The following AREG variants were observed in gnomAD, a reference collection of about 807,000 sequenced individuals.
AREG encodes the protein amphiregulin B.
A neutral mutation model predicts 28.0 loss-of-function variants in AREG; 16 were observed. That is an observed-to-expected ratio of 0.57 (90% confidence interval 0.39 to 0.87). The LOEUF (loss-of-function observed/expected upper bound fraction) is 0.87, where lower values mean the gene tolerates loss of function less well. AREG is among the 40% of genes least tolerant of loss of function. AREG has a pLI of 0.00. For synonymous variants in AREG, 113 were observed against 113.5 expected (o/e 1.00, Z 0.02); for missense variants, 287 against 309.1 (o/e 0.93, Z 0.53).
At position 74,452,577 on chromosome 4, in the gene AREG, A is replaced by G. The variant is rs1315756887; in HGVS notation, c.699A>G (p.Gly233=). 1 of 1,613,600 alleles carries G rather than the reference A, an allele frequency of 6.2e-7. No homozygotes were observed. Among genetic ancestry groups the G allele is most frequent in the Non-Finnish European group, 8.5e-7 (1 of 1,179,678 alleles). ...LRRQYVRKYE[G]EAEERKKLRQ... The stretch of plus-strand genomic sequence containing the variant: ...GACAATACGTCAGGAAATATGAAGG[A>G]GAAGCTGAGGAACGAAAGAAACTTC... The change falls in exon 5 of 6, where the codon GGA becomes GGG. Residue 233 remains glycine (G), a synonymous_variant. Transcript: ENST00000395748.
chr4:74,454,965 A>C lies in AREG; in HGVS notation c.*225A>C. The C allele has an allele frequency of 1.6e-6, 1 of 622,544 alleles. No homozygotes were observed. The highest frequency in any genetic ancestry group is 2.7e-5 in the Admixed American group (1 of 37,366). The allele number at this position is 622,544 out of a possible 1,614,324, so 38.6% of individuals were successfully genotyped here. On this transcript the variant is annotated 3_prime_UTR_variant, in exon 6 of 6. Transcript: ENST00000395748. The stretch of plus-strand genomic sequence containing the variant: ...AATAATTTATTTAATATTTAATGGA[A>C]GTGTATTTATTTTACAGCTCATTAA...
At position 74,449,905 on chromosome 4, in the gene AREG, G is replaced by GCTCTCTCTCT. The variant is rs34389731; in HGVS notation, c.513-456_513-447dup. ...TTATTTTTTGTGCATGCTCCTGCTT[G>GCTCTCTCTCT]CTCTCTCTCTCTCTCTCTCTCTCTC... On this transcript the variant is annotated intron_variant, in intron 3 of 5. Coordinates refer to ENST00000395748, the MANE Select transcript of AREG (RefSeq NM_001657.4). Among the ~76,000 whole-genome samples the GCTCTCTCTCT allele has an allele frequency of 5.7e-3, 827 of 145,618 alleles. 3 individuals are homozygous for GCTCTCTCTCT. Among genetic ancestry groups the GCTCTCTCTCT allele is most frequent in the African/African-American group, 0.02 (778 of 39,066 alleles).
At chr4:74,450,742 C>A (rs1184535657) in intron 4 of AREG, among the ~76,000 whole-genome samples, 2 of 151,942 alleles carry the variant, frequency 1.3e-5, no homozygotes, top group Admixed American at 1.3e-4. Flanking sequence ...ACATGTAAAG[C>A]CCTTTTATAG....
Position 74,446,618 on chromosome 4 carries a change from T to C in AREG, c.146T>C (p.Phe49Ser), listed in dbSNP as rs774990847. ...TCTGGGGACCACAGTGCTGATGGAT[T>C]TGAGGTTACCTCAAGAAGTGAGATG... The part of the protein sequence containing the change: ...PFSGDHSADG[F>S]EVTSRSEMSS... The change falls in exon 2 of 6, where the codon TTT (phenylalanine) becomes TCT (serine). Residue 49 changes from phenylalanine (F) to serine (S), a missense_variant. By Grantham distance (155) the Phe-to-Ser change is radical. Transcript: ENST00000395748. The C allele has an allele frequency of 1.2e-6, 2 of 1,613,990 alleles. No homozygotes were observed. Among genetic ancestry groups the C allele is most frequent in the Non-Finnish European group, 1.7e-6 (2 of 1,179,864 alleles).
At position 74,445,286 on chromosome 4, in the gene AREG, G is replaced by C. The variant is rs1719250358; in HGVS notation, c.-60G>C. 10 of 1,584,578 alleles carry C rather than the reference G, an allele frequency of 6.3e-6. No homozygotes were observed. The highest frequency in any genetic ancestry group is 7.7e-6 in the Non-Finnish European group (9 of 1,167,574). On this transcript the variant is annotated 5_prime_UTR_variant, in exon 1 of 6. Coordinates refer to ENST00000395748, the MANE Select transcript of AREG (RefSeq NM_001657.4). Reference sequence around the variant, plus strand: ...CCAACACCCGCTCGTTTTGGCGGCAGCTCGTGTCCCAGAGACCGAGTTGCC... The same window carrying C: ...CCAACACCCGCTCGTTTTGGCGGCACCTCGTGTCCCAGAGACCGAGTTGCC...
At chr4:74,446,437 T>C (rs867197142) in intron 1 of AREG, 97 bp from the exon 2 acceptor site, 1 of 1,603,684 alleles carries the variant, frequency 6.2e-7, no homozygotes, top group Middle Eastern at 1.7e-4. Flanking sequence ...CAATAACTGC[T>C]TTGATGTCAA....
chr4:74,448,948 A>T lies in AREG; in HGVS notation c.311-99A>T. ...AGGTAATGAGGCACGCATGGCTGTT[A>T]CCCCTGTGAGCGCTCACTGCTATGA... On this transcript the variant is annotated intron_variant, in intron 2 of 5. Coordinates refer to ENST00000395748, the MANE Select transcript of AREG (RefSeq NM_001657.4). The T allele has an allele frequency of 8.6e-6, 13 of 1,511,206 alleles. No individual in the cohort carries two copies. In the South Asian group the frequency reaches 1.4e-4, roughly 17 times the overall value. The allele number at this position is 1,511,206 out of a possible 1,614,324, so 93.6% of individuals were successfully genotyped here. A position where few individuals can be genotyped will look rare whatever the true frequency, so the allele number is the denominator to read the frequency against.
At chr4:74,450,598 C>T in intron 4 of AREG, 66 bp downstream of exon 4, 2 of 1,587,670 alleles carry the variant, frequency 1.3e-6, no homozygotes, top group Non-Finnish European at 1.7e-6. Flanking sequence ...CAGTATTTCT[C>T]TCATACTCTA....
chr4:74,447,717 C>G (rs910358847), intron 2 of AREG, among the ~76,000 whole-genome samples: 1 of 152,180 alleles, frequency 6.6e-6, no homozygotes, highest in Non-Finnish European at 1.5e-5. Flanking sequence ...GCTTCTCCCC[C>G]TCTTGTCTGG....
rs553398398 is a variant in AREG, at chr4:74,449,027, A to G, written c.311-20A>G. 9.8e-4 allele frequency: 1,579 copies of G among 1,606,932 alleles called. 2 individuals are homozygous for G. The highest frequency in any genetic ancestry group is 1.0e-3 in the Non-Finnish European group (1,203 of 1,178,784). On this transcript the variant is annotated intron_variant, in intron 2 of 5. Transcript: ENST00000395748. ...ATTCAAGTTTGAGAGACTCTTGTCA[A>G]TAAATCTTTTCTTTTTTAGTTGAAC... is the stretch of plus-strand genomic sequence containing the variant.
chr4:74,450,548 C>A lies in AREG; in HGVS notation c.665+16C>A. ...TTACAGTCCAGTAAGTATGACATAA[C>A]TTACAAATTCTTAATAAAATAATGG... On this transcript the variant is annotated intron_variant, in intron 4 of 5. Transcript: ENST00000395748. The A allele has an allele frequency of 6.2e-7, 1 of 1,611,920 alleles. No individual in the cohort carries two copies. Among genetic ancestry groups the A allele is most frequent in the Non-Finnish European group, 8.5e-7 (1 of 1,179,438 alleles).
intron 3 of AREG, among the ~76,000 whole-genome samples, chr4:74,449,923 T>A (rs1719354105): frequency 6.6e-6 from 1 of 151,610 alleles, no homozygotes; most frequent in Non-Finnish European, 1.5e-5. Flanking sequence ...TCTCTCTCTC[T>A]CTCTCTCTCT....
Position 74,454,878 on chromosome 4 carries a change from CT to C in AREG, c.*143del, listed in dbSNP as rs1719439942. 3 of 698,656 alleles carry C rather than the reference CT, an allele frequency of 4.3e-6. No homozygotes were observed. Among genetic ancestry groups the C allele is most frequent in the Non-Finnish European group, 7.8e-6 (3 of 382,912 alleles). 43.3% of individuals were successfully genotyped at this position (698,656 alleles called of 1,614,324 possible). A position where few individuals can be genotyped will look rare whatever the true frequency, so the allele number is the denominator to read the frequency against. On this transcript the variant is annotated 3_prime_UTR_variant, in exon 6 of 6. Transcript: ENST00000395748. The stretch of plus-strand genomic sequence containing the variant: ...GATGGTTTTAAACTTTCAATTGTCA[CT>C]TTTTATGCTATTTCTGTATATAAAG...
At chr4:74,451,246 C>G (rs1719376346) in intron 4 of AREG, among the ~76,000 whole-genome samples, 1 of 152,130 alleles carries the variant, frequency 6.6e-6, no homozygotes, top group Non-Finnish European at 1.5e-5. Flanking sequence ...ACTAGACTGT[C>G]CCAGGTAGTA....
In AREG at chr4:74,452,570, A is replaced by G; in HGVS notation, c.692A>G (p.Tyr231Cys). ...VQLRRQYVRK[Y>C]EGEAEERKKL... Reference sequence around the variant, plus strand: ...CTTAGAAGACAATACGTCAGGAAATATGAAGGAGAAGCTGAGGAACGAAAG... The same window carrying G: ...CTTAGAAGACAATACGTCAGGAAATGTGAAGGAGAAGCTGAGGAACGAAAG... Residue 231 changes from tyrosine to cysteine, a missense_variant, in exon 5 of 6, where the codon TAT becomes TGT. Transcript: ENST00000395748. 6.2e-7 allele frequency: 1 copy of G among 1,613,606 alleles called. No individual in the cohort carries two copies. Among genetic ancestry groups the G allele is most frequent in the South Asian group, 1.1e-5 (1 of 91,060 alleles).
Position 74,446,533 on chromosome 4 carries a change from G to C in AREG, c.62-1G>C. 1 of 1,613,920 alleles carries C rather than the reference G, an allele frequency of 6.2e-7. No homozygotes were observed. Among genetic ancestry groups the C allele is most frequent in the East Asian group, 2.2e-5 (1 of 44,884 alleles). On this transcript the variant is annotated splice_acceptor_variant, in intron 1 of 5. Coordinates refer to ENST00000395748, the MANE Select transcript of AREG (RefSeq NM_001657.4). LOFTEE classifies it high-confidence loss of function. ...TTCTTCCTTTATTCCCTCCCCTGCA[G>C]GCCATTATGCTGCTGGATTGGACCT... is the stretch of plus-strand genomic sequence containing the variant.
At position 74,446,615 on chromosome 4, in the gene AREG, G is replaced by A. The variant is rs1223815927; in HGVS notation, c.143G>A (p.Gly48Glu). ...TTTTCTGGGGACCACAGTGCTGATG[G>A]ATTTGAGGTTACCTCAAGAAGTGAG... Reference protein sequence around the residue: ...EPFSGDHSADGFEVTSRSEMS... With the variant: ...EPFSGDHSADEFEVTSRSEMS... The change falls in exon 2 of 6, where the codon GGA (glycine) becomes GAA (glutamate). Residue 48 changes from glycine to glutamate, a missense_variant. By Grantham distance (98) the Gly-to-Glu change is moderately conservative (BLOSUM62 -2). Coordinates refer to ENST00000395748, the MANE Select transcript of AREG (RefSeq NM_001657.4). The A allele has an allele frequency of 1.2e-6, 2 of 1,613,850 alleles. No individual in the cohort carries two copies. Among genetic ancestry groups the A allele is most frequent in the African/African-American group, 2.7e-5 (2 of 74,908 alleles).
At chr4:74,445,931 C>CA (rs1374483775) in intron 1 of AREG, among the ~76,000 whole-genome samples, 1 of 151,932 alleles carries the variant, frequency 6.6e-6, no homozygotes, top group Non-Finnish European at 1.5e-5. Flanking sequence ...ACTTAGTACT[C>CA]AGTTTATTGT....
chr4:74,446,463 A>G (rs976009781), intron 1 of AREG, 71 bp from the exon 2 acceptor site: 1 of 1,613,134 alleles, frequency 6.2e-7, no homozygotes, highest in Non-Finnish European at 8.5e-7. Flanking sequence ...AAACTTTTCT[A>G]CCTAACACAG....
Sources: allele counts gnomAD v4.1 joint callset (sites outside exome capture counted in the v4.1 genomes callset), GRCh38; gene constraint gnomAD v4.1.1; transcripts MANE v1.5; gene names NCBI Gene and HGNC (gene_info 2026-07-23, HGNC 2026-07-21).